TANK: variants seen among roughly 807,000 people sequenced by gnomAD.
The protein encoded by TANK is TRAF family member associated NFKB activator, also known as TRAF family member-associated NF-kappa-B activator.
In TANK, 15 loss-of-function variants were observed where a neutral mutation model predicts 43.6. The ratio of observed to expected loss-of-function variants is 0.34; its 90% confidence interval spans 0.23 to 0.53. The LOEUF (loss-of-function observed/expected upper bound fraction) is 0.53. Ranked by LOEUF, TANK falls within the 20% of genes least tolerant of loss-of-function variation. The pLI, the probability that TANK is intolerant of heterozygous loss-of-function variation, is 0.94. For missense variants in TANK, 417 were observed against 498.6 expected (o/e 0.84, Z 1.56); for synonymous variants, 162 against 178.2 (o/e 0.91, Z 0.73).
chr2:161,175,874 C>T (rs948149907), intron 1 of TANK, among the ~76,000 whole-genome samples: 1 of 152,040 alleles, frequency 6.6e-6, no homozygotes, highest in African/African-American at 2.4e-5. Context: ...TATCCAGGCT[C>T]CAGAAGAACT....
At chr2:161,212,864 G>A in intron 4 of TANK, 2 of 759,018 alleles carry the variant, frequency 2.6e-6, no homozygotes, top group Non-Finnish European at 1.6e-6. Context: ...AATACCTGAG[G>A]CTGGGGATTT....
intron 4 of TANK, among the ~76,000 whole-genome samples, chr2:161,206,038 A>G (rs1033976192): frequency 7.9e-5 from 12 of 152,228 alleles, no homozygotes; most frequent in African/African-American, 2.9e-4. Flanking sequence ...AAGGGCACAC[A>G]TCTTCTTTAG....
chr2:161,230,455 T>C (rs924533405), intron 6 of TANK, among the ~76,000 whole-genome samples: 1 of 152,212 alleles, frequency 6.6e-6, no homozygotes, highest in Non-Finnish European at 1.5e-5. Context: ...GTCTTCTTTT[T>C]CCCAACTCCT....
intron 1 of TANK, among the ~76,000 whole-genome samples, chr2:161,146,327 T>C (rs527561471): frequency 1.3e-5 from 2 of 152,306 alleles, no homozygotes; most frequent in South Asian, 4.1e-4. Context: ...TTCTGTCAAT[T>C]TGTCCATCTC....
rs534759427 is a variant in TANK at position 161,183,357 on chromosome 2, TA to T, written c.99+3597del. 2.0e-5 allele frequency among the ~76,000 whole-genome samples: 3 copies of T among 152,272 alleles called. No homozygotes were observed. In the South Asian group the frequency reaches 6.2e-4, roughly 32 times the overall value. On this transcript the variant is annotated intron_variant, in intron 2 of 7. Transcript: ENST00000392749. ...TGAAATGAAGTTTAGAATTTGAATT[TA>T]TTTTTTTTTTCAGTTCAGGTTTAAG... is the stretch of plus-strand genomic sequence containing the variant.
chr2:161,185,965 C>G (rs562786289), intron 2 of TANK, among the ~76,000 whole-genome samples: 6 of 152,208 alleles, frequency 3.9e-5, no homozygotes, highest in African/African-American at 9.6e-5. Flanking sequence ...TATCAGTCTC[C>G]TACTCAAAAT....
chr2:161,228,752 G>A (rs894627946), intron 6 of TANK, among the ~76,000 whole-genome samples: 4 of 152,068 alleles, frequency 2.6e-5, no homozygotes, highest in South Asian at 4.1e-4. Flanking sequence ...TTCCATTCAC[G>A]GTAAGTGCTC....
chr2:161,158,125 T>G (rs1430058393), upstream of TANK, among the ~76,000 whole-genome samples: 8 of 152,232 alleles, frequency 5.3e-5, no homozygotes, highest in East Asian at 1.5e-3. Flanking sequence ...AGTGATCCTC[T>G]GCCCTTGGCC....
At chr2:161,183,044 A>C (rs1223756775) in intron 2 of TANK, among the ~76,000 whole-genome samples, 3 of 152,080 alleles carry the variant, frequency 2.0e-5, no homozygotes, top group South Asian at 2.1e-4. Flanking sequence ...ATGGACAAAA[A>C]CCTAATCATA....
At chr2:161,214,214 C>G (rs1340938513) in intron 4 of TANK, among the ~76,000 whole-genome samples, 1 of 152,152 alleles carries the variant, frequency 6.6e-6, no homozygotes, top group Non-Finnish European at 1.5e-5. Context: ...GACAGGCTAA[C>G]TTCATTTGCT....
intron 1 of TANK, among the ~76,000 whole-genome samples, chr2:161,141,424 C>T (rs1007413901): frequency 1.3e-5 from 2 of 152,106 alleles, no homozygotes; most frequent in African/African-American, 2.4e-5. Context: ...TTGCACCTAT[C>T]AACCTGTCAT....
At chr2:161,221,758 A>G (rs1202522440) in intron 4 of TANK, among the ~76,000 whole-genome samples, 1 of 151,864 alleles carries the variant, frequency 6.6e-6, no homozygotes, top group Non-Finnish European at 1.5e-5. Flanking sequence ...TTTGAAATAT[A>G]CTAACAGCTT....
chr2:161,148,620 T>C, intron 1 of TANK, among the ~76,000 whole-genome samples: 1 of 152,182 alleles, frequency 6.6e-6, no homozygotes. Flanking sequence ...TACCCACTTG[T>C]GTTTGTCTAA....
chr2:161,186,216 C>T (rs1271177830), intron 2 of TANK, among the ~76,000 whole-genome samples: 1 of 152,188 alleles, frequency 6.6e-6, no homozygotes, highest in Non-Finnish European at 1.5e-5. Context: ...AAAGTCCTTC[C>T]CATGGCCTAC....
At chr2:161,222,605 T>C (rs1370107859) in intron 4 of TANK, among the ~76,000 whole-genome samples, 1 of 152,092 alleles carries the variant, frequency 6.6e-6, no homozygotes, top group Admixed American at 6.6e-5. Flanking sequence ...CTACCACTTT[T>C]AAAAACAAAC....
chr2:161,145,019 T>C (rs998171856), intron 1 of TANK, among the ~76,000 whole-genome samples: 6 of 152,284 alleles, frequency 3.9e-5, no homozygotes, highest in Non-Finnish European at 8.8e-5. Flanking sequence ...GGTTAGCTCT[T>C]CTTGTTGCAT....
chr2:161,233,282 A>G (rs1173094204), intron 7 of TANK, among the ~76,000 whole-genome samples: 1 of 152,136 alleles, frequency 6.6e-6, no homozygotes, highest in African/African-American at 2.4e-5. Context: ...TGTGGCCTCC[A>G]GCTACTTGGG....
At chr2:161,161,641 AG>A in intron 1 of TANK, 1 of 634,666 alleles carries the variant, frequency 1.6e-6, no homozygotes. Context: ...AATCTGTTTC[AG>A]ATTAAATATA....
At chr2:161,233,893 CTA>C (rs1201152701) in intron 7 of TANK, among the ~76,000 whole-genome samples, 3 of 152,060 alleles carry the variant, frequency 2.0e-5, no homozygotes, top group African/African-American at 7.2e-5. Context: ...CAAGTTAACT[CTA>C]ACTAGATTTT....
Sources: allele counts gnomAD v4.1 joint callset (sites outside exome capture counted in the v4.1 genomes callset), GRCh38; gene constraint gnomAD v4.1.1; transcripts MANE v1.5; gene names NCBI Gene and HGNC (gene_info 2026-07-23, HGNC 2026-07-21).